Variants in PLB1 observed in about 807,000 individuals in gnomAD.
PLB1 encodes phospholipase B1, also known as phospholipase B1, membrane-associated.
A neutral mutation model predicts 227.4 loss-of-function variants in PLB1; 242 were observed. That is an observed-to-expected ratio of 1.06 (90% CI 0.96 to 1.18). The LOEUF (loss-of-function observed/expected upper bound fraction) is 1.18, where lower values mean the gene tolerates loss of function less well. Ranked by LOEUF, PLB1 falls within the 50% of genes most tolerant of loss-of-function variation. The pLI is 0.00. For missense variants in PLB1, 1,858 were observed against 1,816.3 expected (o/e 1.02, Z -0.42); for synonymous variants, 757 against 682.2 (o/e 1.11, Z -1.71).
Position 28,578,168 on chromosome 2 carries a change from T to C in PLB1, c.1485+10T>C. ...GATGAAGAATGACACGGTGGGTCCC[T>C]GGGATGGGAAGTAGGCAGGAAAAAT... is the stretch of plus-strand genomic sequence containing the variant. On this transcript the variant is annotated intron_variant, in intron 22 of 57. Coordinates refer to ENST00000327757, the MANE Select transcript of PLB1 (RefSeq NM_153021.5). 6.2e-7 allele frequency: 1 copy of C among 1,613,316 alleles called. No individual in the cohort carries two copies. Among genetic ancestry groups the C allele is most frequent in the Non-Finnish European group, 8.5e-7 (1 of 1,179,482 alleles).
chr2:28,624,664 G>T lies in PLB1; in HGVS notation c.3528-393G>T, dbSNP rs546507582. 3.3e-5 allele frequency among the ~76,000 whole-genome samples: 5 copies of T among 152,318 alleles called. No homozygotes were observed. In the South Asian group the frequency reaches 1.0e-3, roughly 32 times the overall value. On this transcript the variant is annotated intron_variant, in intron 49 of 57. Transcript: ENST00000327757. ...TTAAAGGAGTCATTAAGCCTGGAAAGGAGAAAACTGAGGGATAATTGAGAG... is the reference window on the plus strand; with the variant it reads ...TTAAAGGAGTCATTAAGCCTGGAAATGAGAAAACTGAGGGATAATTGAGAG...
Position 28,592,697 on chromosome 2 carries a change from C to T in PLB1, c.2225C>T (p.Ala742Val), listed in dbSNP as rs1030278021. ...ALRPADIQVV[A>V]ALGDSLTAGN... ...AGACCTGCAGACATCCAAGTTGTGG[C>T]TGCTCTGGGGGATTCTCTGACCGTA... The change falls in exon 32 of 58, where the codon GCT (alanine) becomes GTT (valine). Residue 742 changes from alanine (A) to valine (V), a missense_variant. Ala to Val is a moderately conservative substitution (Grantham distance 64). Transcript: ENST00000327757. 9.9e-6 allele frequency: 16 copies of T among 1,614,036 alleles called. No individual in the cohort carries two copies. The Middle Eastern group carries it at 1.2e-3, about 116-fold the overall frequency.
At chr2:28,501,186 T>C (rs1303271336) in intron 1 of PLB1, among the ~76,000 whole-genome samples, 1 of 152,238 alleles carries the variant, frequency 6.6e-6, no homozygotes, top group African/African-American at 2.4e-5. Context: ...TTCATCTCCT[T>C]CTTTCATTCC....
intron 37 of PLB1, 97 bp downstream of exon 37, chr2:28,601,429 G>A: frequency 2.2e-6 from 2 of 926,870 alleles, no homozygotes; most frequent in Admixed American, 2.0e-5. Flanking sequence ...ACCAATCCTA[G>A]GATTATCCAC....
Position 28,567,611 on chromosome 2 carries a change from C to T in PLB1, c.1324+772C>T, listed in dbSNP as rs71443027. Among the ~76,000 whole-genome samples the T allele has an allele frequency of 4.2e-3, 641 of 151,588 alleles. 3 individuals are homozygous for T. Among genetic ancestry groups the T allele is most frequent in the African/African-American group, 0.014 (568 of 41,256 alleles). On this transcript the variant is annotated intron_variant, in intron 20 of 57. Coordinates refer to ENST00000327757, the MANE Select transcript of PLB1 (RefSeq NM_153021.5). Reference sequence around the variant, plus strand: ...GCCTCAGCCTCCCGAGTAGCTGGGACTACAGGCCCCCGCCACCACACCCAG... The same window carrying T: ...GCCTCAGCCTCCCGAGTAGCTGGGATTACAGGCCCCCGCCACCACACCCAG...
intron 1 of PLB1, among the ~76,000 whole-genome samples, chr2:28,510,778 T>TTGTG (rs55672002): frequency 0.18 from 26,053 of 141,294 alleles, 2,488 homozygotes; most frequent in Middle Eastern, 0.27. Context: ...ACTCAGATAA[T>TTGTG]TGTGTGTGTG....
In PLB1 at chr2:28,532,132, A is replaced by G; in HGVS notation, c.493A>G (p.Lys165Glu). 1.2e-6 allele frequency: 2 copies of G among 1,612,418 alleles called. No individual in the cohort carries two copies. The highest frequency in any genetic ancestry group is 1.7e-6 in the Non-Finnish European group (2 of 1,179,430). Reference sequence around the variant, plus strand: ...GCAACTTGACTTTCAATTTGACTGGAAGCTCATCAATGTGTTCTTCAGTAA... The same window carrying G: ...GCAACTTGACTTTCAATTTGACTGGGAGCTCATCAATGTGTTCTTCAGTAA... Reference protein sequence around the residue: ...NLQLDFQFDWKLINVFFSNAS... With the variant: ...NLQLDFQFDWELINVFFSNAS... Residue 165 changes from lysine to glutamate, a missense_variant, in exon 9 of 58, where the codon AAG (lysine) becomes GAG (glutamate). Physicochemically the swap from Lys to Glu is moderately conservative, Grantham distance 56. Transcript: ENST00000327757.
chr2:28,625,716 T>C (rs1256937794), intron 50 of PLB1, among the ~76,000 whole-genome samples: 1 of 152,194 alleles, frequency 6.6e-6, no homozygotes, highest in East Asian at 1.9e-4. Flanking sequence ...CCTTTGCTTC[T>C]AGCTGCATCC....
chr2:28,554,288 T>C (rs1199376747), intron 17 of PLB1, among the ~76,000 whole-genome samples: 2 of 145,240 alleles, frequency 1.4e-5, no homozygotes, highest in African/African-American at 2.5e-5. Flanking sequence ...TGTGTTTATA[T>C]AGATAGATGT....
intron 6 of PLB1, among the ~76,000 whole-genome samples, chr2:28,527,349 G>A (rs1450482009): frequency 6.6e-6 from 1 of 152,182 alleles, no homozygotes; most frequent in Non-Finnish European, 1.5e-5. Flanking sequence ...ATACCCAATG[G>A]GGAAGGAGGG....
At chr2:28,560,368 C>T (rs1203496465) in intron 17 of PLB1, among the ~76,000 whole-genome samples, 3 of 152,094 alleles carry the variant, frequency 2.0e-5, no homozygotes, top group East Asian at 3.9e-4. Flanking sequence ...TTAAGAAATT[C>T]TAGGGGTGGT....
In PLB1 at chr2:28,590,029, A is replaced by C; in HGVS notation, c.2041A>C (p.Thr681Pro). Residue 681 changes from threonine (T) to proline (P), a missense_variant, in exon 29 of 58, where the codon ACT (threonine) becomes CCT (proline). Thr to Pro is a conservative substitution (Grantham distance 38, BLOSUM62 -1). Coordinates refer to ENST00000327757, the MANE Select transcript of PLB1 (RefSeq NM_153021.5). ...NMLEPVGQKT[T>P]RHKFENKINI... ...GCTGGAGCCTGTTGGCCAGAAGACGACTCGTCATAAGTTTGAAAACAAGAT... is the reference window on the plus strand; with the variant it reads ...GCTGGAGCCTGTTGGCCAGAAGACGCCTCGTCATAAGTTTGAAAACAAGAT... 6.2e-7 allele frequency: 1 copy of C among 1,613,692 alleles called. No homozygotes were observed. The highest frequency in any genetic ancestry group is 1.1e-5 in the South Asian group (1 of 91,060).
intron 35 of PLB1, among the ~76,000 whole-genome samples, chr2:28,599,223 G>A (rs879377233): frequency 6.6e-6 from 1 of 152,244 alleles, no homozygotes; most frequent in Non-Finnish European, 1.5e-5. Context: ...GAGCTAACAA[G>A]AAATGGAATG....
chr2:28,607,638 G>C (rs900212664), intron 43 of PLB1, among the ~76,000 whole-genome samples: 27 of 152,146 alleles, frequency 1.8e-4, no homozygotes, highest in African/African-American at 6.3e-4. Context: ...AGGTGGTCAG[G>C]TGCTGGCCAA....
chr2:28,624,534 A>G (rs1687471416), intron 49 of PLB1, among the ~76,000 whole-genome samples: 1 of 146,120 alleles, frequency 6.8e-6, no homozygotes, highest in Non-Finnish European at 1.5e-5. Flanking sequence ...GGAGAGGGAG[A>G]AAAAAAAAAG....
intron 9 of PLB1, 129 bp downstream of exon 9, chr2:28,532,323 TG>T: frequency 1.9e-6 from 1 of 521,960 alleles, no homozygotes. Context: ...AGAACATGGA[TG>T]GATGGATGGA....
intron 46 of PLB1, among the ~76,000 whole-genome samples, chr2:28,619,140 CCCAGGTATTAAG>C (rs1371970126): frequency 6.6e-6 from 1 of 152,138 alleles, no homozygotes; most frequent in Non-Finnish European, 1.5e-5. Context: ...TATTTAATCA[CCCAGGTATTAAG>C]CCTGGTACCT....
chr2:28,572,751 G>A (rs1180726131), intron 20 of PLB1, among the ~76,000 whole-genome samples: 2 of 152,326 alleles, frequency 1.3e-5, no homozygotes, highest in South Asian at 4.1e-4. Context: ...AGGTTGCAGG[G>A]AATGGGGAGT....
intron 52 of PLB1, 43 bp from the exon 53 acceptor site, chr2:28,629,051 C>CAGT: frequency 6.5e-7 from 1 of 1,548,944 alleles, no homozygotes; most frequent in Non-Finnish European, 8.8e-7. Flanking sequence ...TTCCTCCCAG[C>CAGT]AGTAGCCAGT....
Sources: gnomAD v4.1 joint callset for allele counts (sites outside exome capture counted in the v4.1 genomes callset) on GRCh38, gnomAD v4.1.1 for gene constraint, MANE v1.5 for transcripts, NCBI Gene and HGNC (gene_info 2026-07-23, HGNC 2026-07-21) for gene names.